The following UBE2J2 variants were observed in gnomAD, a reference collection of about 807,000 sequenced individuals.
The protein encoded by UBE2J2 is ubiquitin-conjugating enzyme E2 J2.
UBE2J2 carries 5 observed loss-of-function variants against 28.6 expected under a neutral mutation model. The observed-to-expected ratio is 0.17, with a 90% CI of 0.09 to 0.37. UBE2J2 has a LOEUF of 0.37. UBE2J2 is among the 10% of genes least tolerant of loss of function. UBE2J2 has a pLI of 1.00. For synonymous variants in UBE2J2, 138 were observed against 139.7 expected (o/e 0.99, Z 0.09); for missense variants, 226 against 338.9 (o/e 0.67, Z 2.62).
rs1390690941 is a variant in UBE2J2 at position 1,255,148 on chromosome 1, T to C, written c.*55A>G. The C allele has an allele frequency of 1.5e-5, 23 of 1,510,678 alleles. No individual in the cohort carries two copies. Among genetic ancestry groups the C allele is most frequent in the Non-Finnish European group, 2.0e-5 (22 of 1,121,886 alleles). The allele number at this position is 1,510,678 out of a possible 1,614,324, so 93.6% of individuals were successfully genotyped here. ...GGGCAGTGTGTCCAGCCTGCCGAGGTCACGCTCTGGTGCGCGGTGCCCTCA... is the reference window on the plus strand; with the variant it reads ...GGGCAGTGTGTCCAGCCTGCCGAGGCCACGCTCTGGTGCGCGGTGCCCTCA... On this transcript the variant is annotated 3_prime_UTR_variant, in exon 7 of 7. Transcript: ENST00000349431.
At chr1:1,269,086 G>A (rs1273088909) in intron 1 of UBE2J2, among the ~76,000 whole-genome samples, 4 of 149,368 alleles carry the variant, frequency 2.7e-5, no homozygotes, top group African/African-American at 5.2e-5. Flanking sequence ...GGCCGAGCAT[G>A]GGGCGCGAGG....
At position 1,257,064 on chromosome 1, in the gene UBE2J2, G is replaced by C; in HGVS notation, c.342C>G (p.Ile114Met). ...TWNPAWSVST[I>M]LTGLLSFMVE... is the part of the protein sequence containing the mutation. ...CCATGAAGCTCAGGAGCCCAGTCAGGATGGTGGAGACAGACCAGGCCGGGT... is the reference window on the plus strand; with the variant it reads ...CCATGAAGCTCAGGAGCCCAGTCAGCATGGTGGAGACAGACCAGGCCGGGT... The change falls in exon 5 of 7, where the codon ATC becomes ATG. Residue 114 changes from isoleucine to methionine, a missense_variant. Around this residue, in one of 3 missense-constraint regions of UBE2J2, gnomAD observed 13 missense variants for 63.0 expected, o/e 0.21. Coordinates refer to ENST00000349431, the MANE Select transcript of UBE2J2 (RefSeq NM_058167.3). 1 of 1,613,406 alleles carries C rather than the reference G, an allele frequency of 6.2e-7. No homozygotes were observed. The highest frequency in any genetic ancestry group is 8.5e-7 in the Non-Finnish European group (1 of 1,179,738).
At chr1:1,257,392 C>CA (rs1639256218) in intron 3 of UBE2J2, 82 bp from the exon 4 acceptor site, 2 of 412,474 alleles carry the variant, frequency 4.8e-6, no homozygotes, top group East Asian at 4.1e-5. Context: ...CCCCCCACGC[C>CA]ACCCCCCCCC....
Position 1,255,311 on chromosome 1 carries a change from C to T in UBE2J2, c.672G>A (p.Arg224=), listed in dbSNP as rs376833438. 5.1e-5 allele frequency: 82 copies of T among 1,613,722 alleles called. No individual in the cohort carries two copies. Among genetic ancestry groups the T allele is most frequent in the Middle Eastern group, 1.6e-4 (1 of 6,062 alleles). The change falls in exon 7 of 7, where the codon CGG becomes CGA. Residue 224 remains arginine, a synonymous_variant. Coordinates refer to ENST00000349431, the MANE Select transcript of UBE2J2 (RefSeq NM_058167.3). ...GGGCGCCACCCAGGAGTCCGTGGTG[C>T]CGGTTGGCCTGCTGGAGCCCTGCGA... is the stretch of plus-strand genomic sequence containing the variant. ...PNLAGLQQAN[R]HHGLLGGALA...
At chr1:1,272,383 G>A (rs961200743) in intron 1 of UBE2J2, among the ~76,000 whole-genome samples, 1 of 152,198 alleles carries the variant, frequency 6.6e-6, no homozygotes, top group African/African-American at 2.4e-5. Context: ...AGGTGCTGAG[G>A]CAGTGGCTGC....
chr1:1,267,614 C>T (rs972870320), intron 2 of UBE2J2: 6 of 1,011,262 alleles, frequency 5.9e-6, no homozygotes, highest in Non-Finnish European at 7.9e-6. Flanking sequence ...TCAAGGGCCC[C>T]ACACCGGAGA....
chr1:1,265,614 T>TGTGTGC (rs1037837301), intron 2 of UBE2J2, among the ~76,000 whole-genome samples: 1 of 140,480 alleles, frequency 7.1e-6, no homozygotes, highest in African/African-American at 2.8e-5. Context: ...TGTGTGTGTG[T>TGTGTGC]GTGTGTGTGT....
rs1456830970 is a variant in UBE2J2, at chr1:1,268,170, G to A, written c.1-178C>T. Among the ~76,000 whole-genome samples, 1 of 152,038 alleles carries A rather than the reference G, an allele frequency of 6.6e-6. No individual in the cohort carries two copies. Among genetic ancestry groups the A allele is most frequent in the East Asian group, 1.9e-4 (1 of 5,166 alleles). On this transcript the variant is annotated intron_variant, in intron 1 of 6. Coordinates refer to ENST00000349431, the MANE Select transcript of UBE2J2 (RefSeq NM_058167.3). The surrounding 1 kb of genome is among the most constrained non-coding windows in gnomAD (Gnocchi z 4.7). The stretch of plus-strand genomic sequence containing the variant: ...CCGCCCAGACACCCAGAGGCCCTGC[G>A]GCTTCTCTCTTCCCGTCTGTCCCGC...
At chr1:1,256,966 C>CA in intron 5 of UBE2J2, 26 bp downstream of exon 5, 1 of 1,468,178 alleles carries the variant, frequency 6.8e-7, no homozygotes, top group Non-Finnish European at 9.1e-7. Context: ...GCTGACGGCC[C>CA]ACCAGGGAGA....
At chr1:1,259,453 T>C (rs1279967175) in intron 3 of UBE2J2, among the ~76,000 whole-genome samples, 1 of 152,192 alleles carries the variant, frequency 6.6e-6, no homozygotes, top group Non-Finnish European at 1.5e-5. Context: ...CCTGCCCCAA[T>C]GCGAGTCCCC....
chr1:1,264,023 T>C (rs569305221), intron 2 of UBE2J2, among the ~76,000 whole-genome samples: 1 of 152,310 alleles, frequency 6.6e-6, no homozygotes, highest in South Asian at 2.1e-4. Context: ...GAAATGTATA[T>C]TCTTAAATGT....
At position 1,267,997 on chromosome 1, in the gene UBE2J2, T is replaced by C. The variant is rs761439802; in HGVS notation, c.1-5A>G. On this transcript the variant is annotated splice_polypyrimidine_tract_variant and splice_region_variant and intron_variant, in intron 1 of 6. Transcript: ENST00000349431. ...CTTACTGCTGGTGCTGCTCATCTGT[T>C]AAAAGCAACGTCTACACTGACGACG... 7.4e-6 allele frequency: 12 copies of C among 1,613,664 alleles called. No homozygotes were observed. The South Asian group carries it at 1.2e-4, about 16-fold the overall frequency.
chr1:1,257,423 G>A (rs1377367354), intron 3 of UBE2J2, 113 bp from the exon 4 acceptor site: 26 of 540,584 alleles, frequency 4.8e-5, no homozygotes, highest in Admixed American at 2.5e-4. Flanking sequence ...CTCGGCTCCC[G>A]AGTCCTCATT....
intron 5 of UBE2J2, among the ~76,000 whole-genome samples, chr1:1,256,682 A>AC (rs1639195332): frequency 6.6e-6 from 1 of 151,804 alleles, no homozygotes; most frequent in Non-Finnish European, 1.5e-5. Context: ...GGAAATCAAG[A>AC]CATCCTGGTT....
intron 5 of UBE2J2, among the ~76,000 whole-genome samples, chr1:1,256,721 A>T (rs931768441): frequency 5.3e-5 from 8 of 151,744 alleles, no homozygotes; most frequent in Non-Finnish European, 1.5e-5. Context: ...CTCTACTAAA[A>T]ATACAAAAAA....
chr1:1,272,681 A>ACGCACCTACCTGCCTGG (rs1269732974), intron 1 of UBE2J2, among the ~76,000 whole-genome samples: 108 of 152,028 alleles, frequency 7.1e-4, no homozygotes, highest in African/African-American at 2.6e-3. Context: ...TCACTCAAGC[A>ACGCACCTACCTGCCTGG]CTCACCTACC....
intron 3 of UBE2J2, among the ~76,000 whole-genome samples, chr1:1,261,084 A>C (rs1191961429): frequency 6.6e-6 from 1 of 152,262 alleles, no homozygotes; most frequent in Non-Finnish European, 1.5e-5. Flanking sequence ...TGTCGTCAGC[A>C]GCATCAGATA....
intron 1 of UBE2J2, among the ~76,000 whole-genome samples, chr1:1,271,927 T>G (rs1168798461): frequency 7.9e-6 from 1 of 125,934 alleles, no homozygotes; most frequent in African/African-American, 3.1e-5. Context: ...TGGGCCAAGA[T>G]CAAGCCATTG....
Position 1,255,048 on chromosome 1 carries a change from A to T in UBE2J2, c.*155T>A. On this transcript the variant is annotated 3_prime_UTR_variant, in exon 7 of 7. Transcript: ENST00000349431. ...CTCCAGTCTCCTCCAAAGCCCAGTC[A>T]CACATTTTGGTTTTTGCTTCCCCTT... 1.3e-6 allele frequency: 1 copy of T among 775,958 alleles called. No homozygotes were observed. Among genetic ancestry groups the T allele is most frequent in the Non-Finnish European group, 2.0e-6 (1 of 501,398 alleles). 48.1% of individuals were successfully genotyped at this position (775,958 alleles called of 1,614,324 possible). A position where few individuals can be genotyped will look rare whatever the true frequency, so the allele number is the denominator to read the frequency against.
Sources: allele counts gnomAD v4.1 joint callset (sites outside exome capture counted in the v4.1 genomes callset), GRCh38; gene constraint gnomAD v4.1.1; regional missense constraint gnomAD v4.1.1; non-coding constraint Gnocchi (gnomAD v3.1); transcripts MANE v1.5; gene names NCBI Gene and HGNC (gene_info 2026-07-23, HGNC 2026-07-21).